GFPT2: variants seen among roughly 807,000 people sequenced by gnomAD.
GFPT2 encodes the protein glutamine--fructose-6-phosphate aminotransferase [isomerizing] 2.
GFPT2 carries 62 observed loss-of-function variants against 85.6 expected under a neutral mutation model. The observed-to-expected ratio is 0.72, with a 90% confidence interval of 0.59 to 0.90. The LOEUF (loss-of-function observed/expected upper bound fraction) is 0.90. GFPT2 is among the 40% of genes least tolerant of loss of function. The pLI is 0.00. For synonymous variants in GFPT2, 368 were observed against 344.5 expected, an observed-to-expected ratio of 1.07 and a Z score of -0.75; for missense variants, 788 against 893.4, an observed-to-expected ratio of 0.88 and a Z score of 1.50.
rs1764277276 is a variant in GFPT2 at position 180,330,125 on chromosome 5, A to G, written c.534+575T>C. On this transcript the variant is annotated intron_variant, in intron 6 of 18. Coordinates refer to ENST00000253778, the MANE Select transcript of GFPT2 (RefSeq NM_005110.4). The surrounding 1 kb of genome is among the most constrained non-coding windows in gnomAD (Gnocchi z 4.4). Reference sequence around the variant, plus strand: ...CACTTAAAGTCAGGAGTTCGAGACCAGCCTGGTCAACATAGTGAAACCCTG... The same window carrying G: ...CACTTAAAGTCAGGAGTTCGAGACCGGCCTGGTCAACATAGTGAAACCCTG... 6.6e-6 allele frequency among the ~76,000 whole-genome samples: 1 copy of G among 152,220 alleles called. No individual in the cohort carries two copies. Among genetic ancestry groups the G allele is most frequent in the South Asian group, 2.1e-4 (1 of 4,828 alleles).
At chr5:180,336,093 G>A (rs191019637) in intron 3 of GFPT2, 140 bp from the exon 4 acceptor site, 614 of 730,504 alleles carry the variant, frequency 8.4e-4, no homozygotes, top group Non-Finnish European at 1.0e-3. Context: ...CTGGGAGTCC[G>A]CGCAGGCCCA....
At chr5:180,340,511 G>GT (rs779151812) in intron 1 of GFPT2, among the ~76,000 whole-genome samples, 21,924 of 113,320 alleles carry the variant, frequency 0.19, 2,613 homozygotes, top group African/African-American at 0.23. Flanking sequence ...TGGCCTGCAG[G>GT]TTTTTTTTTT....
chr5:180,301,440 C>G lies in GFPT2; in HGVS notation c.*124G>C, dbSNP rs979120463. 15 of 841,958 alleles carry G rather than the reference C, an allele frequency of 1.8e-5. No homozygotes were observed. The highest frequency in any genetic ancestry group is 2.8e-5 in the Non-Finnish European group (14 of 499,128). 52.2% of individuals were successfully genotyped at this position (841,958 alleles called of 1,614,324 possible). The stretch of plus-strand genomic sequence containing the variant: ...TGGGTAGAAGGCACGTGGAAGCTGT[C>G]AAGCTCTACAGGAGCACGCAGAACA... On this transcript the variant is annotated 3_prime_UTR_variant, in exon 19 of 19. Transcript: ENST00000253778.
rs1764284788 is a variant in GFPT2, at chr5:180,330,652, A to C, written c.534+48T>G. ...CTTGCTGCTTGAAAAAAATGTTTTT[A>C]ATGAAAGAATGAAGGAATGAGTTAG... On this transcript the variant is annotated intron_variant, in intron 6 of 18. Coordinates refer to ENST00000253778, the MANE Select transcript of GFPT2 (RefSeq NM_005110.4). The surrounding 1 kb of genome is among the most constrained non-coding windows in gnomAD (Gnocchi z 4.4). 3 of 1,514,242 alleles carry C rather than the reference A, an allele frequency of 2.0e-6. No individual in the cohort carries two copies. The highest frequency in any genetic ancestry group is 2.8e-5 in the African/African-American group (2 of 72,464). 93.8% of individuals were successfully genotyped at this position (1,514,242 alleles called of 1,614,324 possible). A position where few individuals can be genotyped will look rare whatever the true frequency, so the allele number is the denominator to read the frequency against.
chr5:180,329,317 C>T (rs1270183059), intron 6 of GFPT2, among the ~76,000 whole-genome samples: 2 of 152,176 alleles, frequency 1.3e-5, no homozygotes, highest in Non-Finnish European at 2.9e-5. Context: ...AACCAGGGGG[C>T]TTCAGGCAGA....
At chr5:180,335,783 T>C (rs1764381102) in intron 4 of GFPT2, 45 bp downstream of exon 4, 1 of 1,584,146 alleles carries the variant, frequency 6.3e-7, no homozygotes, top group Non-Finnish European at 8.6e-7. Flanking sequence ...CTGACACAGC[T>C]CAGGGTGAGG....
intron 10 of GFPT2, among the ~76,000 whole-genome samples, chr5:180,317,767 A>G (rs1764042972): frequency 1.4e-5 from 2 of 144,620 alleles, no homozygotes; most frequent in Non-Finnish European, 2.9e-5. Flanking sequence ...TCAAAAAAAA[A>G]AAAAAAAAAA....
chr5:180,325,597 C>T (rs937514206), intron 7 of GFPT2, among the ~76,000 whole-genome samples: 3 of 152,246 alleles, frequency 2.0e-5, no homozygotes, highest in Admixed American at 2.0e-4. Flanking sequence ...GGCCCTCACT[C>T]AGGCCTCCTG....
chr5:180,332,023 G>C (rs938700984), intron 4 of GFPT2, among the ~76,000 whole-genome samples: 5 of 152,184 alleles, frequency 3.3e-5, no homozygotes, highest in African/African-American at 1.2e-4. Flanking sequence ...AAAAATATTT[G>C]AGTTTTTAAA....
Position 180,331,565 on chromosome 5 carries a change from G to T in GFPT2, c.341-12C>A, listed in dbSNP as rs201598251. 6.6e-7 allele frequency: 1 copy of T among 1,510,126 alleles called. No individual in the cohort carries two copies. Among genetic ancestry groups the T allele is most frequent in the East Asian group, 2.3e-5 (1 of 44,420 alleles). 93.5% of individuals were successfully genotyped at this position (1,510,126 alleles called of 1,614,324 possible). On this transcript the variant is annotated splice_polypyrimidine_tract_variant and intron_variant, in intron 4 of 18. Coordinates refer to ENST00000253778, the MANE Select transcript of GFPT2 (RefSeq NM_005110.4). ...GATGACAACAAATTCTGAAAGAAAA[G>T]TTAAGAGAGAAATGCTATTGAGAAG...
intron 7 of GFPT2, among the ~76,000 whole-genome samples, chr5:180,326,654 C>A (rs947671506): frequency 2.0e-5 from 3 of 152,126 alleles, no homozygotes; most frequent in African/African-American, 7.2e-5. Flanking sequence ...AGACATAGTT[C>A]TGGGGCCAGT....
At chr5:180,302,666 C>T in intron 17 of GFPT2, 82 bp from the exon 18 acceptor site, 1 of 1,131,692 alleles carries the variant, frequency 8.8e-7, no homozygotes. Flanking sequence ...CTGGAAGCTA[C>T]ATTACTGTGA....
At chr5:180,324,055 A>G (rs916950351) in intron 9 of GFPT2, 133 bp downstream of exon 9, 1 of 684,056 alleles carries the variant, frequency 1.5e-6, no homozygotes, top group African/African-American at 1.8e-5. Context: ...GGGATGGCTG[A>G]ACTCTTCTTT....
intron 1 of GFPT2, chr5:180,352,512 C>A: frequency 2.2e-6 from 1 of 446,034 alleles, no homozygotes; most frequent in South Asian, 1.6e-5. Context: ...AGCGCGGGAG[C>A]GCCGCGGGAA....
At chr5:180,331,762 G>A (rs922962244) in intron 4 of GFPT2, 13 of 586,760 alleles carry the variant, frequency 2.2e-5, no homozygotes, top group Non-Finnish European at 3.4e-5. Context: ...CTAGGGCAGC[G>A]GCTACTACAA....
chr5:180,305,771 A>G (rs62404924), intron 16 of GFPT2, among the ~76,000 whole-genome samples: 52,780 of 152,054 alleles, frequency 0.35, 9,885 homozygotes, highest in Non-Finnish European at 0.42. Flanking sequence ...CTGGGGACTG[A>G]CAGTGCACCC....
chr5:180,315,354 A>AT (rs1763986568), intron 13 of GFPT2, among the ~76,000 whole-genome samples: 1 of 151,898 alleles, frequency 6.6e-6, no homozygotes, highest in African/African-American at 2.4e-5. Context: ...ATTGTTTTAT[A>AT]TTTTTAGTAG....
chr5:180,349,810 G>A (rs918656800), intron 1 of GFPT2, among the ~76,000 whole-genome samples: 6 of 151,830 alleles, frequency 4.0e-5, no homozygotes, highest in East Asian at 3.9e-4. Context: ...GACAAAAGAC[G>A]GTGATGTCAA....
intron 9 of GFPT2, among the ~76,000 whole-genome samples, chr5:180,320,238 C>T (rs569934354): frequency 5.3e-5 from 8 of 152,096 alleles, no homozygotes; most frequent in Admixed American, 3.3e-4. Flanking sequence ...GTGATCCGCC[C>T]GCCTCGGCCT....
Sources: allele counts gnomAD v4.1 joint callset (sites outside exome capture counted in the v4.1 genomes callset), GRCh38; gene constraint gnomAD v4.1.1; non-coding constraint Gnocchi (gnomAD v3.1); transcripts MANE v1.5; gene names NCBI Gene and HGNC (gene_info 2026-07-23, HGNC 2026-07-21).